The following NAT16 variants were observed in gnomAD, a reference collection of about 807,000 sequenced individuals.
The protein encoded by NAT16 is N-acetyltransferase 16 (putative).
NAT16 carries 16 observed loss-of-function variants against 15.9 expected under a neutral mutation model. The ratio of observed to expected loss-of-function variants is 1.01; its 90% CI spans 0.68 to 1.53. The LOEUF is 1.53. Among genes scored for constraint, NAT16 ranks in the 40% most tolerant of loss-of-function variants. The pLI is 0.00. For missense variants in NAT16, 572 were observed against 508.4 expected (o/e 1.13, Z -1.20); for synonymous variants, 260 against 241.9 (o/e 1.07, Z -0.69).
rs1554368920 is a variant in NAT16 at position 101,172,042 on chromosome 7, G to T, written c.*37C>A. The stretch of plus-strand genomic sequence containing the variant: ...CTGGCTGGGGAAACTGCGGAAGGGG[G>T]CGGGTCTTTTTCCCCCTCCCCGCCA... On this transcript the variant is annotated 3_prime_UTR_variant, in exon 4 of 4. Transcript: ENST00000300303. The surrounding 1 kb of genome is among the most constrained non-coding windows in gnomAD (Gnocchi z 4.2). 7.0e-7 allele frequency: 1 copy of T among 1,435,284 alleles called. No individual in the cohort carries two copies. The allele number at this position is 1,435,284 out of a possible 1,614,324, so 88.9% of individuals were successfully genotyped here.
intron 1 of NAT16, among the ~76,000 whole-genome samples, chr7:101,175,907 G>A (rs1270402431): frequency 8.2e-6 from 1 of 121,678 alleles, no homozygotes; most frequent in Non-Finnish European, 1.7e-5. Flanking sequence ...GTGTGACAGA[G>A]AGAGAACCTG....
intron 2 of NAT16, chr7:101,174,269 C>T (rs1797412555): frequency 3.6e-6 from 2 of 561,782 alleles, no homozygotes; most frequent in Non-Finnish European, 6.0e-6. Flanking sequence ...CTTTCAAACG[C>T]TCACCTGTCC....
chr7:101,173,527 AC>A lies in NAT16; in HGVS notation c.313-8del. Reference sequence around the variant, plus strand: ...TCACCGACTCCAGCGCGATCTGCGGACCGAGGCCGTTAGCGCGGGGCCCTCC... The same window carrying A: ...TCACCGACTCCAGCGCGATCTGCGGACGAGGCCGTTAGCGCGGGGCCCTCC... On this transcript the variant is annotated splice_region_variant and splice_polypyrimidine_tract_variant and intron_variant, in intron 2 of 3. Transcript: ENST00000300303. The A allele has an allele frequency of 1.3e-6, 2 of 1,576,190 alleles. No individual in the cohort carries two copies. Among genetic ancestry groups the A allele is most frequent in the Non-Finnish European group, 1.7e-6 (2 of 1,160,672 alleles).
At chr7:101,174,412 A>G in intron 2 of NAT16, 84 bp downstream of exon 2, 1 of 1,441,626 alleles carries the variant, frequency 6.9e-7, no homozygotes, top group Non-Finnish European at 9.1e-7. Flanking sequence ...GGCTGGGGAG[A>G]AGCTCTCATC....
intron 1 of NAT16, among the ~76,000 whole-genome samples, chr7:101,176,384 A>T (rs1037932894): frequency 6.6e-6 from 1 of 152,024 alleles, no homozygotes; most frequent in Non-Finnish European, 1.5e-5. Flanking sequence ...AATCCCAGCT[A>T]CTAGGGAGGC....
In NAT16 at chr7:101,172,398, A is replaced by T. The variant is rs1436781056; in HGVS notation, c.791T>A (p.Leu264Gln). The T allele has an allele frequency of 6.3e-7, 1 of 1,575,050 alleles. No individual in the cohort carries two copies. The highest frequency in any genetic ancestry group is 1.4e-5 in the African/African-American group (1 of 73,970). ...CGCGCGGCTGTCCACGCGCCACTCCAGGCCCTTGGCCGCCAGCAGGCGCAG... is the reference window on the plus strand; with the variant it reads ...CGCGCGGCTGTCCACGCGCCACTCCTGGCCCTTGGCCGCCAGCAGGCGCAG... Reference protein sequence around the residue: ...SNLRLLAAKGLEWRVDSRARP... With the variant: ...SNLRLLAAKGQEWRVDSRARP... Residue 264 changes from leucine to glutamine, a missense_variant, in exon 4 of 4, where the codon CTG becomes CAG. Leu to Gln is a moderately radical substitution (Grantham distance 113, BLOSUM62 -2). Transcript: ENST00000300303. The surrounding 1 kb of genome is among the most constrained non-coding windows in gnomAD (Gnocchi z 4.2).
Position 101,174,558 on chromosome 7 carries a change from A to G in NAT16, c.250T>C (p.Tyr84His), listed in dbSNP as rs1041018030. 3 of 1,612,720 alleles carry G rather than the reference A, an allele frequency of 1.9e-6. No individual in the cohort carries two copies. The highest frequency in any genetic ancestry group is 2.5e-6 in the Non-Finnish European group (3 of 1,179,780). Residue 84 changes from tyrosine (Y) to histidine (H), a missense_variant, in exon 2 of 4, where the codon TAC becomes CAC. Transcript: ENST00000300303. ...TCGGGGTCCCGGAGCCAGCTGTGGT[A>G]GCGGCTAGGAAGGTAGTCCAGGCCG... ...YGGLDYLPSRYHSWLRDPDRT... is the reference protein window; with the variant it reads ...YGGLDYLPSRHHSWLRDPDRT...
chr7:101,174,582 C>A lies in NAT16; in HGVS notation c.226G>T (p.Gly76Cys). ...TAGCGGCTAGGAAGGTAGTCCAGGC[C>A]GCCGTAGATGCCCCCCGAGATGGCC... ...VLAISGGIYG[G>C]LDYLPSRYHS... Residue 76 changes from glycine to cysteine, a missense_variant, in exon 2 of 4, where the codon GGC (glycine) becomes TGC (cysteine). Transcript: ENST00000300303. 5 of 1,614,034 alleles carry A rather than the reference C, an allele frequency of 3.1e-6. No homozygotes were observed.
intron 1 of NAT16, among the ~76,000 whole-genome samples, chr7:101,179,484 G>C (rs1395330370): frequency 6.6e-6 from 1 of 151,010 alleles, no homozygotes; most frequent in East Asian, 2.0e-4. Context: ...GGAGGGGAAG[G>C]GGTCAAGGGG....
chr7:101,177,458 TTAGCCTCCCGAG>T (rs764859953), intron 1 of NAT16, among the ~76,000 whole-genome samples: 86 of 152,340 alleles, frequency 5.6e-4, no homozygotes, highest in Admixed American at 1.0e-3. Flanking sequence ...TCCTCCCACC[TTAGCCTCCCGAG>T]TAGCTAGGAC....
chr7:101,176,903 A>AT (rs550862629), intron 1 of NAT16, among the ~76,000 whole-genome samples: 1,791 of 148,204 alleles, frequency 0.012, 28 homozygotes, highest in African/African-American at 0.04. Context: ...TGGAATTTTT[A>AT]TTTTTTTTTT....
rs1020131027 is a variant in NAT16, at chr7:101,175,101, C to T, written c.-4-290G>A. Among the ~76,000 whole-genome samples the T allele has an allele frequency of 2.6e-5, 4 of 152,028 alleles. No individual in the cohort carries two copies. In the East Asian group the frequency reaches 5.8e-4, roughly 22 times the overall value. On this transcript the variant is annotated intron_variant, in intron 1 of 3. Transcript: ENST00000300303. ...TCCTGAGTTGCTGGGACTACAGGTA[C>T]GTGCCACCATGCCTGGCTAATTTTT...
chr7:101,172,440 C>A lies in NAT16; in HGVS notation c.749G>T (p.Arg250Leu). ...GTIIQDWQPY[R>L]PSESNLRLLA... ...CAGGCGCAGGTTGCTTTCGCTAGGC[C>A]GGTAGGGCTGCCAGTCCTGGATGAT... The change falls in exon 4 of 4, where the codon CGG becomes CTG. Residue 250 changes from arginine (R) to leucine (L), a missense_variant. Arg to Leu is a moderately radical substitution (Grantham distance 102). Transcript: ENST00000300303. This position sits in a 1 kb window ranked among gnomAD's most constrained non-coding sequence, Gnocchi z 4.2. 6.3e-7 allele frequency: 1 copy of A among 1,597,554 alleles called. No individual in the cohort carries two copies. The highest frequency in any genetic ancestry group is 8.5e-7 in the Non-Finnish European group (1 of 1,175,330).
Position 101,172,661 on chromosome 7 carries a change from G to C in NAT16, c.538-10C>G. 6.7e-7 allele frequency: 1 copy of C among 1,483,758 alleles called. No individual in the cohort carries two copies. Among genetic ancestry groups the C allele is most frequent in the East Asian group, 2.7e-5 (1 of 36,852 alleles). The allele number at this position is 1,483,758 out of a possible 1,614,324, so 91.9% of individuals were successfully genotyped here. A position where few individuals can be genotyped will look rare whatever the true frequency, so the allele number is the denominator to read the frequency against. On this transcript the variant is annotated splice_polypyrimidine_tract_variant and intron_variant, in intron 3 of 3. Coordinates refer to ENST00000300303, the MANE Select transcript of NAT16 (RefSeq NM_198571.3). This position sits in a 1 kb window ranked among gnomAD's most constrained non-coding sequence, Gnocchi z 4.2. The stretch of plus-strand genomic sequence containing the variant: ...GGACCAAAAGGATGCCCTGCGGGGG[G>C]CACGAGTGAGCGCGGGGAGGGGGGG...
At chr7:101,178,355 G>T (rs1255769303) in intron 1 of NAT16, among the ~76,000 whole-genome samples, 1 of 152,080 alleles carries the variant, frequency 6.6e-6, no homozygotes, top group Non-Finnish European at 1.5e-5. Context: ...AATAAAACAG[G>T]TCAGCGACTC....
rs1797387071 is a variant in NAT16, at chr7:101,173,424, C to A, written c.409G>T (p.Gly137Trp). The change falls in exon 3 of 4, where the codon GGG (glycine) becomes TGG (tryptophan). Residue 137 changes from glycine to tryptophan, a missense_variant. Physicochemically the swap from Gly to Trp is radical, Grantham distance 184 (BLOSUM62 -2). Coordinates refer to ENST00000300303, the MANE Select transcript of NAT16 (RefSeq NM_198571.3). ...APWERGKGVA[G>W]LLQRFCSQLV... Reference sequence around the variant, plus strand: ...TGCGAGCAGAAGCGCTGCAGCAGCCCGGCCACGCCCTTCCCGCGCTCCCAG... The same window carrying A: ...TGCGAGCAGAAGCGCTGCAGCAGCCAGGCCACGCCCTTCCCGCGCTCCCAG... 6.2e-7 allele frequency: 1 copy of A among 1,612,864 alleles called. No individual in the cohort carries two copies. Among genetic ancestry groups the A allele is most frequent in the African/African-American group, 1.3e-5 (1 of 74,922 alleles).
rs1307643467 is a variant in NAT16, at chr7:101,171,955, G to A, written c.*124C>T. The A allele has an allele frequency of 4.5e-6, 3 of 671,866 alleles. No individual in the cohort carries two copies. Among genetic ancestry groups the A allele is most frequent in the African/African-American group, 3.6e-5 (2 of 54,948 alleles). 41.6% of individuals were successfully genotyped at this position (671,866 alleles called of 1,614,324 possible). ...GGGGGGACCTGCGCCGGTAAGGGCA[G>A]GAGGGCAGGAGTCAGAGGGGACTTC... On this transcript the variant is annotated 3_prime_UTR_variant, in exon 4 of 4. Transcript: ENST00000300303.
Position 101,172,765 on chromosome 7 carries a change from G to C in NAT16, c.538-114C>G. On this transcript the variant is annotated intron_variant, in intron 3 of 3. Transcript: ENST00000300303. This position sits in a 1 kb window ranked among gnomAD's most constrained non-coding sequence, Gnocchi z 4.2. ...TTCACGCCCACGGGCTCCCACCTGG[G>C]TCCCTCTGGAGGAGCGACCGTGAGG... 1 of 897,762 alleles carries C rather than the reference G, an allele frequency of 1.1e-6. No homozygotes were observed. The highest frequency in any genetic ancestry group is 1.8e-5 in the African/African-American group (1 of 55,758). The allele number at this position is 897,762 out of a possible 1,614,324, so 55.6% of individuals were successfully genotyped here.
chr7:101,172,043 C>T lies in NAT16; in HGVS notation c.*36G>A. The T allele has an allele frequency of 2.8e-6, 4 of 1,428,406 alleles. No homozygotes were observed. The highest frequency in any genetic ancestry group is 1.4e-5 in the African/African-American group (1 of 70,140). The allele number at this position is 1,428,406 out of a possible 1,614,324, so 88.5% of individuals were successfully genotyped here. ...TGGCTGGGGAAACTGCGGAAGGGGG[C>T]GGGTCTTTTTCCCCCTCCCCGCCAG... is the stretch of plus-strand genomic sequence containing the variant. On this transcript the variant is annotated 3_prime_UTR_variant, in exon 4 of 4. Transcript: ENST00000300303. This position sits in a 1 kb window ranked among gnomAD's most constrained non-coding sequence, Gnocchi z 4.2.
Sources: allele counts gnomAD v4.1 joint callset (sites outside exome capture counted in the v4.1 genomes callset), GRCh38; gene constraint gnomAD v4.1.1; non-coding constraint Gnocchi (gnomAD v3.1); transcripts MANE v1.5; gene names NCBI Gene and HGNC (gene_info 2026-07-23, HGNC 2026-07-21).